Variants in PHACTR2 observed in about 807,000 individuals in gnomAD.
PHACTR2 encodes the protein phosphatase and actin regulator 2, also known as chromosome 6 open reading frame 56.
In PHACTR2, 30 loss-of-function variants were observed where a neutral mutation model predicts 76.0. The observed-to-expected ratio is 0.39, with a 90% confidence interval of 0.30 to 0.54. The LOEUF (loss-of-function observed/expected upper bound fraction) is 0.54, where lower values mean the gene tolerates loss of function less well. Among genes scored for constraint, PHACTR2 ranks in the 20% least tolerant of loss-of-function variants. PHACTR2 has a pLI of 0.61. For synonymous variants in PHACTR2, 292 were observed against 292.5 expected (o/e 1.00, Z 0.02); for missense variants, 696 against 781.1 (o/e 0.89, Z 1.30).
Position 143,754,095 on chromosome 6 carries a change from T to C in PHACTR2, c.454+183T>C, listed in dbSNP as rs1779249335. ...CGGATGATTTTCTCAGGTAGATGCATCCATTTTATAAGCACAGTATTTGTT... is the reference window on the plus strand; with the variant it reads ...CGGATGATTTTCTCAGGTAGATGCACCCATTTTATAAGCACAGTATTTGTT... On this transcript the variant is annotated intron_variant, in intron 4 of 12. Transcript: ENST00000440869. The surrounding 1 kb of genome is among the most constrained non-coding windows in gnomAD (Gnocchi z 6.2). 3 of 415,778 alleles carry C rather than the reference T, an allele frequency of 7.2e-6. No homozygotes were observed. The highest frequency in any genetic ancestry group is 7.3e-5 in the East Asian group (2 of 27,450). 25.8% of individuals were successfully genotyped at this position (415,778 alleles called of 1,614,324 possible). A position where few individuals can be genotyped will look rare whatever the true frequency, so the allele number is the denominator to read the frequency against.
rs1251704718 is a variant in PHACTR2, at chr6:143,767,698, CA to C, written c.1232+1902del. 3.3e-5 allele frequency among the ~76,000 whole-genome samples: 5 copies of C among 152,180 alleles called. No homozygotes were observed. The highest frequency in any genetic ancestry group is 7.3e-5 in the Non-Finnish European group (5 of 68,028). ...GTGGAAGGTGGAAGGGCAGAGAGCA[CA>C]ACAGAGTGAACCTACCCCTGTGAGC... is the stretch of plus-strand genomic sequence containing the variant. On this transcript the variant is annotated intron_variant, in intron 6 of 12. Coordinates refer to ENST00000440869, the MANE Select transcript of PHACTR2 (RefSeq NM_001100164.2). This position sits in a 1 kb window ranked among gnomAD's most constrained non-coding sequence, Gnocchi z 4.4.
Position 143,742,840 on chromosome 6 carries a change from T to G in PHACTR2, c.215-6145T>G, listed in dbSNP as rs1562290311. Among the ~76,000 whole-genome samples the G allele has an allele frequency of 6.6e-6, 1 of 152,214 alleles. No individual in the cohort carries two copies. The highest frequency in any genetic ancestry group is 1.5e-5 in the Non-Finnish European group (1 of 68,036). On this transcript the variant is annotated intron_variant, in intron 2 of 12. Transcript: ENST00000440869. This position sits in a 1 kb window ranked among gnomAD's most constrained non-coding sequence, Gnocchi z 4.5. ...ATCCCTCAGAAGGCTTAGACTAGAA[T>G]CATGTGATTATGCAATCGCATACAC...
In PHACTR2 at chr6:143,621,392, C is replaced by T. The variant is rs977088405; in HGVS notation, c.13+13070C>T. The stretch of plus-strand genomic sequence containing the variant: ...CTCGGTGCAGAAGGGCAAATCCTTC[C>T]CATAGTTCCTGCCTCTCTCTCTAGA... On this transcript the variant is annotated intron_variant, in intron 1 of 11. Coordinates refer to the PHACTR2 transcript ENST00000305766. This position sits in a 1 kb window ranked among gnomAD's most constrained non-coding sequence, Gnocchi z 4.1. 1.6e-4 allele frequency among the ~76,000 whole-genome samples: 24 copies of T among 152,172 alleles called. No homozygotes were observed. Among genetic ancestry groups the T allele is most frequent in the African/African-American group, 5.8e-4 (24 of 41,440 alleles).
intron 2 of PHACTR2, among the ~76,000 whole-genome samples, chr6:143,719,695 A>G (rs979135883): frequency 3.3e-5 from 5 of 151,124 alleles, no homozygotes; most frequent in Admixed American, 2.6e-4. Flanking sequence ...ATATTGGAGG[A>G]AGAGGAAGGA....
In PHACTR2 at chr6:143,679,671, C is replaced by A. The variant is rs1777338776; in HGVS notation, c.46+1462C>A. On this transcript the variant is annotated intron_variant, in intron 1 of 12. Coordinates refer to ENST00000440869, the MANE Select transcript of PHACTR2 (RefSeq NM_001100164.2). The surrounding 1 kb of genome is among the most constrained non-coding windows in gnomAD (Gnocchi z 4.6). ...ATTACTCGAGTGAATATTAGAAAAGCAAATTTTGCCTTAATAAAAATCAAG... is the reference window on the plus strand; with the variant it reads ...ATTACTCGAGTGAATATTAGAAAAGAAAATTTTGCCTTAATAAAAATCAAG... 6.6e-6 allele frequency among the ~76,000 whole-genome samples: 1 copy of A among 151,982 alleles called. No individual in the cohort carries two copies. Among genetic ancestry groups the A allele is most frequent in the Non-Finnish European group, 1.5e-5 (1 of 67,998 alleles).
intron 9 of PHACTR2, among the ~76,000 whole-genome samples, chr6:143,778,318 TTC>T (rs959614625): frequency 6.6e-6 from 1 of 152,200 alleles, no homozygotes; most frequent in Admixed American, 6.5e-5. Flanking sequence ...CTAAGATACT[TTC>T]TTTCCTTTAG....
intron 1 of PHACTR2, among the ~76,000 whole-genome samples, chr6:143,644,019 C>G (rs554640640): frequency 6.6e-6 from 1 of 152,010 alleles, no homozygotes; most frequent in Non-Finnish European, 1.5e-5. Context: ...ATATTTTTCT[C>G]GTTAAAAAAG....
intron 1 of PHACTR2, among the ~76,000 whole-genome samples, chr6:143,569,401 T>C (rs1775412581): frequency 6.6e-6 from 1 of 152,204 alleles, no homozygotes; most frequent in South Asian, 2.1e-4. Context: ...TTTATGTAAT[T>C]GAGAAATCCA....
Position 143,598,097 on chromosome 6 carries a change from C to A in PHACTR2, c.217+60890C>A, listed in dbSNP as rs1347778359. On this transcript the variant is annotated intron_variant, in intron 1 of 11. Transcript: ENST00000367584. This position sits in a 1 kb window ranked among gnomAD's most constrained non-coding sequence, Gnocchi z 4.1. Reference sequence around the variant, plus strand: ...GGTCGAAGAATGCCCCCCGCGCCCCCAAAAAAGAACCATATCTTAACCCCT... The same window carrying A: ...GGTCGAAGAATGCCCCCCGCGCCCCAAAAAAAGAACCATATCTTAACCCCT... Among the ~76,000 whole-genome samples the A allele has an allele frequency of 6.6e-6, 1 of 151,908 alleles. No homozygotes were observed. Among genetic ancestry groups the A allele is most frequent in the Admixed American group, 6.6e-5 (1 of 15,250 alleles).
Position 143,821,555 on chromosome 6 carries a change from T to C in PHACTR2, c.1923-2119T>C, listed in dbSNP as rs1018524098. 2.6e-5 allele frequency among the ~76,000 whole-genome samples: 4 copies of C among 152,230 alleles called. No homozygotes were observed. The highest frequency in any genetic ancestry group is 9.6e-5 in the African/African-American group (4 of 41,464). On this transcript the variant is annotated intron_variant, in intron 12 of 12. Coordinates refer to ENST00000440869, the MANE Select transcript of PHACTR2 (RefSeq NM_001100164.2). The surrounding 1 kb of genome is among the most constrained non-coding windows in gnomAD (Gnocchi z 5.2). ...GCACATGTATCCAAAGATTATATAA[T>C]GTAAGCAATAACTGGCATAAGCCAA...
rs1442095763 is a variant in PHACTR2, at chr6:143,743,320, T to C, written c.215-5665T>C. ...TTGCAAAAAAGAGATGGAAGGAAAGTGATGGGAAAAATGGTTCGCTGGGAC... is the reference window on the plus strand; with the variant it reads ...TTGCAAAAAAGAGATGGAAGGAAAGCGATGGGAAAAATGGTTCGCTGGGAC... On this transcript the variant is annotated intron_variant, in intron 2 of 12. Transcript: ENST00000440869. This position sits in a 1 kb window ranked among gnomAD's most constrained non-coding sequence, Gnocchi z 5.0. Among the ~76,000 whole-genome samples, 1 of 152,022 alleles carries C rather than the reference T, an allele frequency of 6.6e-6. No homozygotes were observed. The highest frequency in any genetic ancestry group is 1.5e-5 in the Non-Finnish European group (1 of 67,998).
rs540400745 is a variant in PHACTR2, at chr6:143,763,580, G to T, written c.695-1681G>T. Among the ~76,000 whole-genome samples the T allele has an allele frequency of 3.9e-5, 6 of 152,248 alleles. No homozygotes were observed. In the South Asian group the frequency reaches 1.2e-3, roughly 32 times the overall value. On this transcript the variant is annotated intron_variant, in intron 5 of 12. Coordinates refer to ENST00000440869, the MANE Select transcript of PHACTR2 (RefSeq NM_001100164.2). The stretch of plus-strand genomic sequence containing the variant: ...GAAGGTTGTTTTCTATAAAGTAACA[G>T]GTCTAGATTTGGGGAAGAAGAATTC...
rs546756560 is a variant in PHACTR2 at position 143,700,971 on chromosome 6, C to T, written c.47-11045C>T. ...CATAGAGACAACCCTTCCCTTGTAG[C>T]GATAACAGTGGCATTCAAAACGTAA... On this transcript the variant is annotated intron_variant, in intron 1 of 12. Coordinates refer to ENST00000440869, the MANE Select transcript of PHACTR2 (RefSeq NM_001100164.2). The surrounding 1 kb of genome is among the most constrained non-coding windows in gnomAD (Gnocchi z 4.1). Among the ~76,000 whole-genome samples the T allele has an allele frequency of 3.3e-5, 5 of 152,310 alleles. No individual in the cohort carries two copies. Among genetic ancestry groups the T allele is most frequent in the Admixed American group, 6.5e-5 (1 of 15,302 alleles).
At chr6:143,586,738 C>T (rs1251363521) in intron 1 of PHACTR2, among the ~76,000 whole-genome samples, 2 of 152,128 alleles carry the variant, frequency 1.3e-5, no homozygotes, top group Admixed American at 6.5e-5. Context: ...TGAAAAGGGG[C>T]GGTAACTCCC....
chr6:143,692,617 G>A (rs1460986187), intron 1 of PHACTR2, among the ~76,000 whole-genome samples: 1 of 152,174 alleles, frequency 6.6e-6, no homozygotes, highest in Non-Finnish European at 1.5e-5. Flanking sequence ...CAGAATGTCA[G>A]AACACACGTA....
At chr6:143,771,194 GTATATATATATATATATA>G (rs769993035) in intron 6 of PHACTR2, among the ~76,000 whole-genome samples, 18 of 40,478 alleles carry the variant, frequency 4.4e-4, no homozygotes, top group East Asian at 2.8e-3. Context: ...ATATATGTGT[GTATATATATATATATATA>G]TATATATATA....
Position 143,591,281 on chromosome 6 carries a change from C to A in PHACTR2, c.217+54074C>A, listed in dbSNP as rs924690792. On this transcript the variant is annotated intron_variant, in intron 1 of 11. Transcript: ENST00000367584. This position sits in a 1 kb window ranked among gnomAD's most constrained non-coding sequence, Gnocchi z 6.4. Reference sequence around the variant, plus strand: ...CATAAGATAAAAGGTGGGAAGAATTCTTTAGAGATAAGCATGGAGGTGGGC... The same window carrying A: ...CATAAGATAAAAGGTGGGAAGAATTATTTAGAGATAAGCATGGAGGTGGGC... 4.6e-5 allele frequency among the ~76,000 whole-genome samples: 7 copies of A among 152,106 alleles called. No homozygotes were observed. Among genetic ancestry groups the A allele is most frequent in the Non-Finnish European group, 8.8e-5 (6 of 68,006 alleles).
At chr6:143,677,910 C>A (rs1008458321), upstream of PHACTR2, 18 of 632,662 alleles carry the variant, frequency 2.8e-5, no homozygotes, top group Admixed American at 5.6e-5. Flanking sequence ...CCCTCACCCC[C>A]CTTCTTCCCC....
chr6:143,783,974 G>C lies in PHACTR2; in HGVS notation c.1707+694G>C, dbSNP rs1029631044. Among the ~76,000 whole-genome samples the C allele has an allele frequency of 1.3e-5, 2 of 149,966 alleles. No individual in the cohort carries two copies. The highest frequency in any genetic ancestry group is 1.3e-4 in the Admixed American group (2 of 14,952). ...GGTCAAGACCAGCCTGGACAACATA[G>C]TGAGACCTTGTTTCAAAAAAAAAGA... On this transcript the variant is annotated intron_variant, in intron 10 of 12. Transcript: ENST00000440869. This position sits in a 1 kb window ranked among gnomAD's most constrained non-coding sequence, Gnocchi z 5.2.
Sources: gnomAD v4.1 joint callset for allele counts (sites outside exome capture counted in the v4.1 genomes callset) on GRCh38, gnomAD v4.1.1 for gene constraint, Gnocchi (gnomAD v3.1) non-coding constraint, MANE v1.5 for transcripts, NCBI Gene and HGNC (gene_info 2026-07-23, HGNC 2026-07-21) for gene names.